COL22A1: variants seen among roughly 807,000 people sequenced by gnomAD.
The protein encoded by COL22A1 is collagen alpha-1(XXII) chain.
Under a neutral mutation model 248.9 loss-of-function variants are expected in COL22A1, and 221 were observed. That is an observed-to-expected ratio of 0.89 (90% CI 0.80 to 0.99). COL22A1 has a LOEUF of 0.99. Ranked by LOEUF, COL22A1 falls within the 50% of genes least tolerant of loss-of-function variation. The pLI, the probability that COL22A1 is intolerant of heterozygous loss-of-function variation, is 0.00. For synonymous variants in COL22A1, 891 were observed against 793.4 expected, an observed-to-expected ratio of 1.12 and a Z score of -2.07; for missense variants, 2,240 against 2,179.0, an observed-to-expected ratio of 1.03 and a Z score of -0.56.
intron 23 of COL22A1, among the ~76,000 whole-genome samples, chr8:138,735,722 C>G (rs2131243741): frequency 6.6e-6 from 1 of 152,316 alleles, no homozygotes; most frequent in East Asian, 1.9e-4. Flanking sequence ...ATCGTATATT[C>G]TTATTCCCTG....
At chr8:138,688,410 A>C (rs1406349894) in intron 37 of COL22A1, among the ~76,000 whole-genome samples, 1 of 151,844 alleles carries the variant, frequency 6.6e-6, no homozygotes, top group Non-Finnish European at 1.5e-5. Flanking sequence ...AATCCCAGCT[A>C]CTCAGGAGGC....
intron 17 of COL22A1, among the ~76,000 whole-genome samples, chr8:138,760,643 A>C (rs1259470985): frequency 1.3e-5 from 2 of 152,142 alleles, no homozygotes; most frequent in Non-Finnish European, 2.9e-5. Context: ...TAGAAGGTGG[A>C]GTCTGGTGGA....
intron 9 of COL22A1, among the ~76,000 whole-genome samples, chr8:138,809,720 A>G (rs1195356376): frequency 4.0e-5 from 6 of 151,696 alleles, no homozygotes; most frequent in East Asian, 1.9e-4. Context: ...GGGTTTCACC[A>G]TGTTGGCCAG....
intron 1 of COL22A1, among the ~76,000 whole-genome samples, chr8:138,885,030 A>G (rs1051724838): frequency 1.3e-5 from 2 of 152,236 alleles, no homozygotes; most frequent in East Asian, 1.9e-4. Context: ...ACACACACAC[A>G]CACGCACACA....
intron 1 of COL22A1, among the ~76,000 whole-genome samples, chr8:138,898,615 G>A (rs947754430): frequency 6.6e-6 from 1 of 152,104 alleles, no homozygotes; most frequent in Admixed American, 6.6e-5. Flanking sequence ...TAAAGGGAAA[G>A]CAAAGACTAA....
At chr8:138,782,548 C>T (rs1213148638) in intron 12 of COL22A1, among the ~76,000 whole-genome samples, 1 of 152,062 alleles carries the variant, frequency 6.6e-6, no homozygotes, top group African/African-American at 2.4e-5. Flanking sequence ...CACCTATAAT[C>T]CCAGCTACTT....
At chr8:138,661,097 CACACACACACAG>C (rs1167439867) in intron 43 of COL22A1, among the ~76,000 whole-genome samples, 3 of 82,156 alleles carry the variant, frequency 3.7e-5, no homozygotes, top group Non-Finnish European at 1.1e-4. Context: ...AACATACACA[CACACACACACAG>C]ACACACACAC....
At position 138,634,653 on chromosome 8, in the gene COL22A1, G is replaced by T. The variant is rs563057242; in HGVS notation, c.3609+357C>A. On this transcript the variant is annotated intron_variant, in intron 49 of 64. Transcript: ENST00000303045. ...ACAGGCTCCCCATAACATGGGGAAA[G>T]CTGCTTACAATTTCTCATTTTCTAC... 3.3e-5 allele frequency among the ~76,000 whole-genome samples: 5 copies of T among 152,270 alleles called. No individual in the cohort carries two copies. The East Asian group carries it at 9.7e-4, about 29-fold the overall frequency.
chr8:138,643,754 C>G (rs931053046), intron 47 of COL22A1, among the ~76,000 whole-genome samples: 1 of 151,992 alleles, frequency 6.6e-6, no homozygotes, highest in Non-Finnish European at 1.5e-5. Flanking sequence ...GGCTGGAGTG[C>G]AGTGTCACAA....
chr8:138,788,618 G>A (rs1371016969), intron 12 of COL22A1, among the ~76,000 whole-genome samples: 1 of 152,138 alleles, frequency 6.6e-6, no homozygotes, highest in Non-Finnish European at 1.5e-5. Context: ...GCTTCCTGAG[G>A]TTTTAGGAGT....
intron 56 of COL22A1, among the ~76,000 whole-genome samples, chr8:138,610,936 T>C (rs1201585656): frequency 6.6e-6 from 1 of 152,150 alleles, no homozygotes; most frequent in Non-Finnish European, 1.5e-5. Context: ...CATGGTGGTA[T>C]GCACTTGTGG....
At chr8:138,751,541 GA>G (rs1452564268) in intron 21 of COL22A1, 30 bp from the exon 22 acceptor site, 4 of 1,540,854 alleles carry the variant, frequency 2.6e-6, no homozygotes, top group African/African-American at 1.4e-5. Flanking sequence ...GAAAAAGAGA[GA>G]GAAACATAAT....
Position 138,715,724 on chromosome 8 carries a change from A to C in COL22A1, c.2475T>G (p.Gly825=). The C allele has an allele frequency of 6.2e-7, 1 of 1,611,880 alleles. No individual in the cohort carries two copies. The highest frequency in any genetic ancestry group is 1.1e-5 in the South Asian group (1 of 90,806). Residue 825 remains glycine (G), a synonymous_variant, in exon 30 of 65, where the codon GGT becomes GGG. Transcript: ENST00000303045. ...CTTTCAGTCCTGGAAGTCCCAGTTC[A>C]CCTTTTTCTCCCTATAATAAAAGAT... ...RGEKGDQGEK[G]ELGLPGLKGD...
At chr8:138,783,914 G>A (rs536196275) in intron 12 of COL22A1, among the ~76,000 whole-genome samples, 3 of 152,252 alleles carry the variant, frequency 2.0e-5, no homozygotes, top group East Asian at 3.9e-4. Context: ...CTTTTCAAGG[G>A]CATGGAAGGA....
At chr8:138,717,800 TC>T (rs1829559080) in intron 27 of COL22A1, among the ~76,000 whole-genome samples, 1 of 152,198 alleles carries the variant, frequency 6.6e-6, no homozygotes, top group Non-Finnish European at 1.5e-5. Flanking sequence ...CTGCTGCACT[TC>T]CCAGGTTCTT....
chr8:138,646,801 C>T lies in COL22A1; in HGVS notation c.3448-119G>A, dbSNP rs142976718. 2.7e-4 allele frequency: 188 copies of T among 687,002 alleles called. No homozygotes were observed. In the African/African-American group the frequency reaches 3.1e-3, roughly 11 times the overall value. The allele number at this position is 687,002 out of a possible 1,614,324, so 42.6% of individuals were successfully genotyped here. ...TTCACTGATTTTCCACTGGGACTTC[C>T]GTCAGCTACCCCTGCCCCTAGCCTG... On this transcript the variant is annotated intron_variant, in intron 46 of 64. Transcript: ENST00000303045.
At chr8:138,742,572 T>A (rs1831698952) in intron 22 of COL22A1, among the ~76,000 whole-genome samples, 6 of 152,038 alleles carry the variant, frequency 3.9e-5, no homozygotes. Context: ...GTGATAGTGA[T>A]GATGATGGTG....
chr8:138,703,239 T>C, intron 31 of COL22A1, 67 bp downstream of exon 31: 3 of 1,370,416 alleles, frequency 2.2e-6, no homozygotes, highest in Non-Finnish European at 2.1e-6. Flanking sequence ...TGGCAGTTGC[T>C]GGAGGGGGAG....
chr8:138,861,438 T>C (rs1472012474), intron 3 of COL22A1, among the ~76,000 whole-genome samples: 1 of 151,754 alleles, frequency 6.6e-6, no homozygotes, highest in Non-Finnish European at 1.5e-5. Context: ...CCCCCTCCCC[T>C]ATCTAGATAG....
Sources: allele counts gnomAD v4.1 joint callset (sites outside exome capture counted in the v4.1 genomes callset), GRCh38; gene constraint gnomAD v4.1.1; transcripts MANE v1.5; gene names NCBI Gene and HGNC (gene_info 2026-07-23, HGNC 2026-07-21).